The following SGCD variants were observed in gnomAD, a reference collection of about 807,000 sequenced individuals.
SGCD encodes the protein delta-sarcoglycan.
A neutral mutation model predicts 36.6 loss-of-function variants in SGCD; 18 were observed. The ratio of observed to expected loss-of-function variants is 0.49; its 90% CI spans 0.34 to 0.73. SGCD has a LOEUF of 0.73. Among genes scored for constraint, SGCD ranks in the 30% least tolerant of loss-of-function variants. The pLI, the probability that SGCD is intolerant of heterozygous loss-of-function variation, is 0.01. For missense variants in SGCD, 387 were observed against 346.7 expected (o/e 1.12, Z -0.92); for synonymous variants, 133 against 130.6 (o/e 1.02, Z -0.12).
Position 156,052,712 on chromosome 5 carries a change from T to TA in SGCD, c.-281-65156dup, listed in dbSNP as rs367869720. ...AATGCAGGGTTCCTTGTTAAAGGAG[T>TA]AAAAAAAAAAGTGCCATTAAAGGTA... On this transcript the variant is annotated intron_variant, in intron 1 of 9. Coordinates refer to the SGCD transcript ENST00000517913. Among the ~76,000 whole-genome samples, 39 of 139,928 alleles carry TA rather than the reference T, an allele frequency of 2.8e-4. 2 individuals are homozygous for TA. Among genetic ancestry groups the TA allele is most frequent in the African/African-American group, 5.4e-4 (21 of 39,240 alleles). The allele number at this position is 139,928 out of a possible 152,430, so 91.8% of individuals were successfully genotyped here. A position where few individuals can be genotyped will look rare whatever the true frequency, so the allele number is the denominator to read the frequency against.
intron 3 of SGCD, among the ~76,000 whole-genome samples, chr5:156,218,265 A>G (rs75678810): frequency 0.017 from 2,590 of 152,322 alleles, 32 homozygotes; most frequent in Non-Finnish European, 0.029. Context: ...GATTAAAAAT[A>G]AAAATAAAAT....
intron 1 of SGCD, among the ~76,000 whole-genome samples, chr5:155,913,967 A>C (rs1268878658): frequency 6.6e-6 from 1 of 152,212 alleles, no homozygotes; most frequent in Non-Finnish European, 1.5e-5. Flanking sequence ...ATTGTTGATA[A>C]GCTTTCATTG....
At chr5:156,586,420 T>C (rs943355100) in intron 4 of SGCD, among the ~76,000 whole-genome samples, 9 of 152,204 alleles carry the variant, frequency 5.9e-5, no homozygotes, top group Non-Finnish European at 1.2e-4. Context: ...TGGTCAGATA[T>C]CTCAAATGTA....
chr5:155,750,666 TA>T, the SGCD span, among the ~76,000 whole-genome samples: 2 of 152,208 alleles, frequency 1.3e-5, no homozygotes, highest in Non-Finnish European at 2.9e-5. Flanking sequence ...AATAGATATT[TA>T]AAAAGTACAT....
At chr5:156,498,317 C>A (rs1040869767) in intron 3 of SGCD, among the ~76,000 whole-genome samples, 2 of 149,184 alleles carry the variant, frequency 1.3e-5, no homozygotes, top group African/African-American at 4.9e-5. Context: ...GTAAGATTGA[C>A]TCATTTTAAG....
At chr5:156,433,463 A>G (rs1238360327) in intron 3 of SGCD, among the ~76,000 whole-genome samples, 1 of 152,152 alleles carries the variant, frequency 6.6e-6, no homozygotes, top group Non-Finnish European at 1.5e-5. Context: ...GTGGCTGACC[A>G]CCTTGAAACC....
chr5:155,987,149 C>G (rs1392683851), intron 1 of SGCD, among the ~76,000 whole-genome samples: 2 of 152,114 alleles, frequency 1.3e-5, no homozygotes, highest in Non-Finnish European at 2.9e-5. Flanking sequence ...ACAGAAATAG[C>G]TTATTTCCAA....
chr5:156,140,857 G>A (rs1426406231), intron 3 of SGCD, among the ~76,000 whole-genome samples: 1 of 152,174 alleles, frequency 6.6e-6, no homozygotes, highest in Non-Finnish European at 1.5e-5. Context: ...TCATAAAAGA[G>A]AATCAAAGAA....
chr5:156,583,187 A>T (rs1335701871), intron 4 of SGCD, among the ~76,000 whole-genome samples: 1 of 152,192 alleles, frequency 6.6e-6, no homozygotes, highest in Admixed American at 6.5e-5. Flanking sequence ...GGCAATGCCA[A>T]CTGTGCACCC....
At chr5:156,601,471 C>G (rs1761188726) in intron 6 of SGCD, among the ~76,000 whole-genome samples, 1 of 152,124 alleles carries the variant, frequency 6.6e-6, no homozygotes, top group South Asian at 2.1e-4. Context: ...TCTGGGATCT[C>G]TATTCTCTTC....
intron 3 of SGCD, among the ~76,000 whole-genome samples, chr5:156,207,206 A>C (rs1581168401): frequency 6.6e-6 from 1 of 152,122 alleles, no homozygotes; most frequent in South Asian, 2.1e-4. Flanking sequence ...AGGTCACTGC[A>C]TGTACACTTT....
At chr5:155,991,989 T>C (rs938973184) in intron 1 of SGCD, among the ~76,000 whole-genome samples, 1 of 152,266 alleles carries the variant, frequency 6.6e-6, no homozygotes, top group Non-Finnish European at 1.5e-5. Context: ...TATATTAGCA[T>C]GGAGATTGAT....
At chr5:155,995,986 C>CAAAAAA (rs753195795) in intron 1 of SGCD, among the ~76,000 whole-genome samples, 20 of 45,902 alleles carry the variant, frequency 4.4e-4, no homozygotes, top group South Asian at 1.9e-3. Flanking sequence ...CAGACCACAC[C>CAAAAAA]AAAAAAAAAA....
chr5:156,708,299 A>T (rs1754830909), intron 7 of SGCD, among the ~76,000 whole-genome samples: 1 of 152,006 alleles, frequency 6.6e-6, no homozygotes, highest in South Asian at 2.1e-4. Context: ...AAAAAAAGGA[A>T]ATGAAAATGC....
At chr5:155,747,879 C>T in the SGCD span, among the ~76,000 whole-genome samples, 1 of 152,142 alleles carries the variant, frequency 6.6e-6, no homozygotes, top group Non-Finnish European at 1.5e-5. Flanking sequence ...TCTAATCAAC[C>T]AGGGTCCTAA....
intron 3 of SGCD, among the ~76,000 whole-genome samples, chr5:156,217,805 G>A (rs1013076066): frequency 6.6e-6 from 1 of 151,980 alleles, no homozygotes; most frequent in African/African-American, 2.4e-5. Flanking sequence ...GTGAATGTAT[G>A]TATGTATGTA....
At chr5:155,980,553 A>C (rs1408786721) in intron 1 of SGCD, among the ~76,000 whole-genome samples, 1 of 125,202 alleles carries the variant, frequency 8.0e-6, no homozygotes, top group Non-Finnish European at 1.6e-5. Flanking sequence ...TTGCCACTGC[A>C]CTCCAGCCTC....
intron 3 of SGCD, among the ~76,000 whole-genome samples, chr5:156,360,955 G>A (rs944897277): frequency 1.3e-5 from 2 of 152,204 alleles, no homozygotes; most frequent in Admixed American, 1.3e-4. Context: ...CTGACAGAGG[G>A]CAACTGCCCC....
chr5:155,970,734 G>A (rs1348788386), intron 1 of SGCD, among the ~76,000 whole-genome samples: 3 of 152,160 alleles, frequency 2.0e-5, no homozygotes, highest in Non-Finnish European at 4.4e-5. Context: ...TTTATGCTAT[G>A]CATCTGTGTG....
Sources: gnomAD v4.1 joint callset for allele counts (sites outside exome capture counted in the v4.1 genomes callset) on GRCh38, gnomAD v4.1.1 for gene constraint, MANE v1.5 for transcripts, NCBI Gene and HGNC (gene_info 2026-07-23, HGNC 2026-07-21) for gene names.